Variants in TNS3 observed in about 807,000 individuals in gnomAD.
TNS3 encodes tensin-3.
In TNS3, 45 loss-of-function variants were observed where a neutral mutation model predicts 140.9. That is an observed-to-expected ratio of 0.32 (90% CI 0.25 to 0.41). The LOEUF is 0.41. Among genes scored for constraint, TNS3 ranks in the 10% least tolerant of loss-of-function variants. The pLI is 1.00. For missense variants in TNS3, 1,716 were observed against 1,906.7 expected, an observed-to-expected ratio of 0.90 and a Z score of 1.86; for synonymous variants, 815 against 788.4, an observed-to-expected ratio of 1.03 and a Z score of -0.56.
intron 1 of TNS3, among the ~76,000 whole-genome samples, chr7:47,569,259 G>C (rs1349603958): frequency 6.6e-6 from 1 of 152,202 alleles, no homozygotes; most frequent in Non-Finnish European, 1.5e-5. Flanking sequence ...TATTACACAA[G>C]GGTCCAGGCG....
intron 24 of TNS3, 134 bp downstream of exon 24, chr7:47,296,948 C>A: frequency 8.6e-7 from 1 of 1,156,344 alleles, no homozygotes; most frequent in Non-Finnish European, 1.2e-6. Context: ...TAAAATATAC[C>A]TGAAAAAATA....
At chr7:47,405,514 G>A (rs1793395714) in intron 13 of TNS3, 3 of 703,000 alleles carry the variant, frequency 4.3e-6, no homozygotes, top group Non-Finnish European at 7.8e-6. Context: ...TTCTTCACTT[G>A]GAGCTGAAAA....
chr7:47,373,384 G>A (rs1791192410), intron 16 of TNS3, among the ~76,000 whole-genome samples: 2 of 152,144 alleles, frequency 1.3e-5, no homozygotes, highest in African/African-American at 4.8e-5. Context: ...TAGAGAATAT[G>A]GACATAAAGT....
At chr7:47,393,588 T>C (rs1035481116) in intron 16 of TNS3, among the ~76,000 whole-genome samples, 1 of 152,116 alleles carries the variant, frequency 6.6e-6, no homozygotes, top group Non-Finnish European at 1.5e-5. Flanking sequence ...GGGGTGCTCA[T>C]GGGCTTCAGA....
At chr7:47,388,216 C>T (rs1265946188) in intron 16 of TNS3, among the ~76,000 whole-genome samples, 1 of 152,146 alleles carries the variant, frequency 6.6e-6, no homozygotes, top group Non-Finnish European at 1.5e-5. Flanking sequence ...GGACCAAACC[C>T]TCATTACACC....
chr7:47,438,236 T>G (rs1263225834), intron 6 of TNS3, among the ~76,000 whole-genome samples: 1 of 152,078 alleles, frequency 6.6e-6, no homozygotes, highest in Non-Finnish European at 1.5e-5. Flanking sequence ...TTTCTAACCC[T>G]GCACAAGAAA....
intron 3 of TNS3, among the ~76,000 whole-genome samples, chr7:47,483,915 G>C (rs938885638): frequency 6.6e-6 from 1 of 152,240 alleles, no homozygotes; most frequent in African/African-American, 2.4e-5. Context: ...GACTTCACTT[G>C]GAAATGAAGC....
intron 17 of TNS3, 24 bp downstream of exon 17, chr7:47,368,341 A>G: frequency 1.4e-6 from 2 of 1,454,182 alleles, no homozygotes; most frequent in South Asian, 3.1e-5. Flanking sequence ...CCCGTGGAGC[A>G]CCTCCCATGG....
At chr7:47,302,617 AATT>A (rs1225503987) in intron 22 of TNS3, among the ~76,000 whole-genome samples, 1 of 152,220 alleles carries the variant, frequency 6.6e-6, no homozygotes, top group East Asian at 1.9e-4. Flanking sequence ...GTTTTGGATG[AATT>A]AATTTAATTT....
chr7:47,356,226 C>T (rs1301942901), intron 17 of TNS3, among the ~76,000 whole-genome samples: 2 of 152,208 alleles, frequency 1.3e-5, no homozygotes, highest in African/African-American at 4.8e-5. Context: ...TCTCAAAGGC[C>T]ATTGTCCACC....
At chr7:47,426,982 T>G (rs1794687305) in intron 9 of TNS3, among the ~76,000 whole-genome samples, 1 of 151,856 alleles carries the variant, frequency 6.6e-6, no homozygotes, top group Non-Finnish European at 1.5e-5. Context: ...AAAAATTAGC[T>G]GGGCATCTTG....
chr7:47,529,369 C>T (rs982562391), intron 1 of TNS3, among the ~76,000 whole-genome samples: 6 of 152,204 alleles, frequency 3.9e-5, no homozygotes, highest in Admixed American at 2.6e-4. Context: ...CCTAGACGGA[C>T]GTTCACTCTC....
intron 20 of TNS3, among the ~76,000 whole-genome samples, chr7:47,313,774 G>A (rs928659193): frequency 3.3e-5 from 5 of 152,282 alleles, no homozygotes; most frequent in Admixed American, 2.6e-4. Flanking sequence ...AGAGGCTGAA[G>A]GAAAATAAAA....
chr7:47,380,793 C>T (rs902168366), intron 16 of TNS3, among the ~76,000 whole-genome samples: 5 of 151,888 alleles, frequency 3.3e-5, no homozygotes, highest in Non-Finnish European at 5.9e-5. Context: ...CACACAAATG[C>T]TCTCTGCTTA....
intron 10 of TNS3, 133 bp from the exon 11 acceptor site, chr7:47,415,339 G>A: frequency 1.6e-6 from 1 of 623,556 alleles, no homozygotes; most frequent in Non-Finnish European, 2.8e-6. Context: ...TCACAGCCAG[G>A]GGTTCTCAGC....
At chr7:47,318,905 A>C (rs541410658) in intron 20 of TNS3, among the ~76,000 whole-genome samples, 1 of 152,208 alleles carries the variant, frequency 6.6e-6, no homozygotes, top group South Asian at 2.1e-4. Flanking sequence ...TCATAACTGG[A>C]CTTGTCCACA....
intron 1 of TNS3, among the ~76,000 whole-genome samples, chr7:47,560,266 C>T (rs1430554674): frequency 1.3e-5 from 2 of 151,974 alleles, no homozygotes; most frequent in Admixed American, 6.6e-5. Flanking sequence ...CTCCCTCACC[C>T]CTCTACCATG....
intron 1 of TNS3, among the ~76,000 whole-genome samples, chr7:47,573,099 C>G (rs1800595601): frequency 6.6e-6 from 1 of 152,184 alleles, no homozygotes; most frequent in Non-Finnish European, 1.5e-5. Context: ...GGCTGGATCT[C>G]CAGAGGTGGG....
chr7:47,315,151 T>G (rs1007010232), intron 20 of TNS3, among the ~76,000 whole-genome samples: 2 of 152,238 alleles, frequency 1.3e-5, no homozygotes, highest in African/African-American at 4.8e-5. Context: ...AGTTCCAGCA[T>G]CCTGCTGGCT....
Sources: allele counts gnomAD v4.1 joint callset (sites outside exome capture counted in the v4.1 genomes callset), GRCh38; gene constraint gnomAD v4.1.1; transcripts MANE v1.5; gene names NCBI Gene and HGNC (gene_info 2026-07-23, HGNC 2026-07-21).